The following ZNF790 variants were observed in gnomAD, a reference collection of about 807,000 sequenced individuals.
The protein encoded by ZNF790 is zinc finger protein 790.
In ZNF790, 8 loss-of-function variants were observed where a neutral mutation model predicts 12.1. The ratio of observed to expected loss-of-function variants is 0.66; its 90% CI spans 0.39 to 1.19. The LOEUF (loss-of-function observed/expected upper bound fraction) is 1.19. ZNF790 is among the 50% of genes most tolerant of loss of function. ZNF790 has a pLI of 0.01. For missense variants in ZNF790, 707 were observed against 752.2 expected (o/e 0.94, Z 0.70); for synonymous variants, 252 against 244.3 (o/e 1.03, Z -0.29).
At chr19:36,836,529 C>A (rs2072049312) in intron 1 of ZNF790, among the ~76,000 whole-genome samples, 1 of 152,046 alleles carries the variant, frequency 6.6e-6, no homozygotes, top group East Asian at 1.9e-4. Flanking sequence ...AAGGCCGAGG[C>A]GGGCGGATCA....
In ZNF790 at chr19:36,823,790, A is replaced by G. The variant is rs965009395; in HGVS notation, c.10T>C (p.Leu4=). The G allele has an allele frequency of 3.1e-6, 5 of 1,598,938 alleles. No individual in the cohort carries two copies. The highest frequency in any genetic ancestry group is 2.2e-5 in the East Asian group (1 of 44,766). Reference sequence around the variant, plus strand: ...ACAGCCACATCCCTGAACATCATCAACTGTTGGAAAGAATAATTCCAAGTA... The same window carrying G: ...ACAGCCACATCCCTGAACATCATCAGCTGTTGGAAAGAATAATTCCAAGTA... The part of the protein sequence containing the change: MAH[L]MMFRDVAVDF... Residue 4 remains leucine, a splice_region_variant and synonymous_variant, in exon 3 of 5, where the codon TTG becomes CTG. Coordinates refer to ENST00000356725, the MANE Select transcript of ZNF790 (RefSeq NM_206894.4).
chr19:36,833,347 T>G (rs1055589591), intron 1 of ZNF790, among the ~76,000 whole-genome samples: 1 of 152,186 alleles, frequency 6.6e-6, no homozygotes, highest in Non-Finnish European at 1.5e-5. Flanking sequence ...TTCACCATAT[T>G]GGTCAGGCTG....
At chr19:36,843,705 ACT>A (rs1407469200) in intron 1 of ZNF790, among the ~76,000 whole-genome samples, 2 of 152,016 alleles carry the variant, frequency 1.3e-5, no homozygotes, top group East Asian at 1.9e-4. Flanking sequence ...ATGACAGAAA[ACT>A]CTGAAAAAAC....
At chr19:36,846,000 C>T (rs940928440) in intron 1 of ZNF790, among the ~76,000 whole-genome samples, 3 of 151,840 alleles carry the variant, frequency 2.0e-5, no homozygotes, top group African/African-American at 4.8e-5. Context: ...TCAGAGACGG[C>T]GTTTCACCAT....
chr19:36,845,115 G>T (rs1004893483), intron 1 of ZNF790, among the ~76,000 whole-genome samples: 1 of 140,934 alleles, frequency 7.1e-6, no homozygotes, highest in Non-Finnish European at 1.5e-5. Context: ...CAAGATCTCA[G>T]ATGAAACAGA....
chr19:36,844,026 A>ATTT, intron 1 of ZNF790, among the ~76,000 whole-genome samples: 1 of 129,782 alleles, frequency 7.7e-6, no homozygotes, highest in African/African-American at 4.2e-5. Flanking sequence ...AAAAAAATTA[A>ATTT]AAAAAAAAAA....
At chr19:36,834,909 A>G (rs574138722) in intron 1 of ZNF790, among the ~76,000 whole-genome samples, 2 of 152,256 alleles carry the variant, frequency 1.3e-5, no homozygotes, top group African/African-American at 4.8e-5. Context: ...AAAGCCTGCA[A>G]TTCATAATAA....
rs539751478 is a variant in ZNF790 at position 36,826,329 on chromosome 19, T to A, written c.-73-637A>T. Among the ~76,000 whole-genome samples the A allele has an allele frequency of 1.6e-3, 242 of 152,224 alleles. 3 individuals carry two copies. The highest frequency in any genetic ancestry group is 5.7e-3 in the African/African-American group (235 of 41,534). ...GGCCGGGCGTGGTGGCTCTCGCCTG[T>A]AATCCCAGCACTTTGGGAGGCGAGG... On this transcript the variant is annotated intron_variant, in intron 1 of 4. Coordinates refer to ENST00000356725, the MANE Select transcript of ZNF790 (RefSeq NM_206894.4).
At position 36,818,981 on chromosome 19, in the gene ZNF790, A is replaced by T. The variant is rs552794482; in HGVS notation, c.1363T>A (p.Cys455Ser). The change falls in exon 5 of 5, where the codon TGT becomes AGT. Residue 455 changes from cysteine to serine, a missense_variant. Cys to Ser is a moderately radical substitution (Grantham distance 112). Coordinates refer to ENST00000356725, the MANE Select transcript of ZNF790 (RefSeq NM_206894.4). ...GAGCCATGAAGAAAGGTCTTTCCAC[A>T]TTCCTTACATTCATAGGATTTCCTC... ...NERKSYECKE[C>S]GKTFLHGSEF... The T allele has an allele frequency of 1.2e-6, 2 of 1,613,624 alleles. No homozygotes were observed. The highest frequency in any genetic ancestry group is 2.2e-5 in the South Asian group (2 of 91,052).
At position 36,818,835 on chromosome 19, in the gene ZNF790, C is replaced by T. The variant is rs767850808; in HGVS notation, c.1509G>A (p.Lys503=). Residue 503 remains lysine (K), a synonymous_variant, in exon 5 of 5, where the codon AAG becomes AAA. Coordinates refer to ENST00000356725, the MANE Select transcript of ZNF790 (RefSeq NM_206894.4). The part of the protein sequence containing the change: ...LNRHQKIHTG[K]RPYECEECGK... Reference sequence around the variant, plus strand: ...CACATTCTTCACATTCATATGGCCTCTTTCCAGTATGAATTTTCTGGTGTC... The same window carrying T: ...CACATTCTTCACATTCATATGGCCTTTTTCCAGTATGAATTTTCTGGTGTC... 1.2e-6 allele frequency: 2 copies of T among 1,613,630 alleles called. No homozygotes were observed. Among genetic ancestry groups the T allele is most frequent in the South Asian group, 1.1e-5 (1 of 91,044 alleles).
In ZNF790 at chr19:36,824,013, T is replaced by TTTTTTG. The variant is rs953562825; in HGVS notation, c.10-224_10-223insCAAAAA. The stretch of plus-strand genomic sequence containing the variant: ...TGCTCTTTTTTTTTTTTTTTTTTTT[T>TTTTTTG]GAGACAAGAGTCTCGCTCTGTCGCC... On this transcript the variant is annotated intron_variant, in intron 2 of 4. Coordinates refer to ENST00000356725, the MANE Select transcript of ZNF790 (RefSeq NM_206894.4). 5.5e-5 allele frequency among the ~76,000 whole-genome samples: 8 copies of TTTTTTG among 146,558 alleles called. 1 individual carries two copies. The highest frequency in any genetic ancestry group is 2.1e-4 in the African/African-American group (8 of 38,854).
chr19:36,830,052 C>T (rs1446110712), intron 1 of ZNF790, among the ~76,000 whole-genome samples: 1 of 151,970 alleles, frequency 6.6e-6, no homozygotes, highest in Non-Finnish European at 1.5e-5. Context: ...TTTTACTTCC[C>T]CATTTGCCCT....
Position 36,818,235 on chromosome 19 carries a change from A to C in ZNF790, c.*198T>G. The C allele has an allele frequency of 7.0e-6, 3 of 428,876 alleles. No individual in the cohort carries two copies. Among genetic ancestry groups the C allele is most frequent in the Middle Eastern group, 4.7e-4 (1 of 2,110 alleles). 26.6% of individuals were successfully genotyped at this position (428,876 alleles called of 1,614,324 possible). On this transcript the variant is annotated 3_prime_UTR_variant, in exon 5 of 5. Coordinates refer to ENST00000356725, the MANE Select transcript of ZNF790 (RefSeq NM_206894.4). ...TTACCCTGATATTCTGCAATTGATA[A>C]CTGATCAGTAATTTCTTTCCTATAT...
chr19:36,839,949 G>A (rs541289647), upstream of ZNF790, among the ~76,000 whole-genome samples: 6 of 152,024 alleles, frequency 3.9e-5, no homozygotes, highest in Non-Finnish European at 5.9e-5. Context: ...TGTAATCCCA[G>A]CTACTCTGGA....
chr19:36,835,432 A>G (rs994349620), intron 1 of ZNF790, among the ~76,000 whole-genome samples: 1 of 152,240 alleles, frequency 6.6e-6, no homozygotes, highest in African/African-American at 2.4e-5. Flanking sequence ...AAAATAACAC[A>G]ATATAGCAAA....
chr19:36,845,557 T>G (rs1025311999), intron 1 of ZNF790, among the ~76,000 whole-genome samples: 2 of 151,928 alleles, frequency 1.3e-5, no homozygotes, highest in Non-Finnish European at 2.9e-5. Flanking sequence ...AAAGCAAAAA[T>G]GAGGATGGAG....
At chr19:36,847,106 A>T (rs2072187076) in intron 1 of ZNF790, among the ~76,000 whole-genome samples, 1 of 152,216 alleles carries the variant, frequency 6.6e-6, no homozygotes, top group Non-Finnish European at 1.5e-5. Context: ...CTGTAATCCC[A>T]GCACTTTGAG....
rs2071609150 is a variant in ZNF790, at chr19:36,819,158, A to G, written c.1186T>C (p.Cys396Arg). ...NVHVGRKPYK[C>R]EKCGKAYIWS... The stretch of plus-strand genomic sequence containing the variant: ...ATATAGGCTTTCCCACATTTCTCAC[A>G]TTTATAAGGTTTCCTACCAACATGA... The change falls in exon 5 of 5, where the codon TGT becomes CGT. Residue 396 changes from cysteine to arginine, a missense_variant. Coordinates refer to ENST00000356725, the MANE Select transcript of ZNF790 (RefSeq NM_206894.4). 6.2e-7 allele frequency: 1 copy of G among 1,613,810 alleles called. No homozygotes were observed. Among genetic ancestry groups the G allele is most frequent in the Non-Finnish European group, 8.5e-7 (1 of 1,179,928 alleles).
chr19:36,837,744 G>C (rs1643422), intron 1 of ZNF790: 11,266 of 151,776 alleles, frequency 0.074, 1,261 homozygotes, highest in African/African-American at 0.24. Context: ...TTCCCCAGCC[G>C]TCTTCCCCAG....
Sources: allele counts gnomAD v4.1 joint callset (sites outside exome capture counted in the v4.1 genomes callset), GRCh38; gene constraint gnomAD v4.1.1; transcripts MANE v1.5; gene names NCBI Gene and HGNC (gene_info 2026-07-23, HGNC 2026-07-21).